Variants in RANGAP1 observed in about 807,000 individuals in gnomAD.
RANGAP1 encodes the protein Ran GTPase activating protein 1.
In RANGAP1, 38 loss-of-function variants were observed where a neutral mutation model predicts 63.5. The ratio of observed to expected loss-of-function variants is 0.60; its 90% CI spans 0.46 to 0.78. The LOEUF is 0.78. RANGAP1 is among the 30% of genes least tolerant of loss of function. The pLI is 0.00. For missense variants in RANGAP1, 630 were observed against 740.3 expected (o/e 0.85, Z 1.73); for synonymous variants, 329 against 310.5 (o/e 1.06, Z -0.63).
intron 12 of RANGAP1, among the ~76,000 whole-genome samples, chr22:41,252,634 A>G (rs746375080): frequency 2.0e-5 from 3 of 152,214 alleles, no homozygotes; most frequent in Non-Finnish European, 4.4e-5. Flanking sequence ...AACCCCAGTC[A>G]GCATGGGAAC....
At chr22:41,290,172 G>A (rs1433449519), upstream of RANGAP1, among the ~76,000 whole-genome samples, 1 of 149,596 alleles carries the variant, frequency 6.7e-6, no homozygotes, top group Non-Finnish European at 1.5e-5. Flanking sequence ...GAGAGAGAGA[G>A]AGAGAGAAAG....
chr22:41,291,916 A>AATG, the RANGAP1 span, among the ~76,000 whole-genome samples: 41 of 150,984 alleles, frequency 2.7e-4, no homozygotes, highest in Admixed American at 2.7e-3. Flanking sequence ...TAATAATAAT[A>AATG]ATAATAATTC....
At chr22:41,272,904 C>T (rs2034922266) in intron 3 of RANGAP1, among the ~76,000 whole-genome samples, 1 of 152,030 alleles carries the variant, frequency 6.6e-6, no homozygotes, top group Non-Finnish European at 1.5e-5. Flanking sequence ...CCACTGCCTC[C>T]CAGGCTCAAG....
intron 1 of RANGAP1, among the ~76,000 whole-genome samples, chr22:41,284,228 C>T (rs547136536): frequency 6.6e-6 from 1 of 151,504 alleles, no homozygotes; most frequent in Non-Finnish European, 1.5e-5. Context: ...GCCTGGGCAA[C>T]AGAGCGAGAC....
At chr22:41,275,459 T>G (rs1196277172) in intron 2 of RANGAP1, among the ~76,000 whole-genome samples, 1 of 150,216 alleles carries the variant, frequency 6.7e-6, no homozygotes, top group Non-Finnish European at 1.5e-5. Context: ...GTCACTGCAC[T>G]CCAGCCTGGG....
At chr22:41,294,267 T>C in the RANGAP1 span, among the ~76,000 whole-genome samples, 3 of 152,250 alleles carry the variant, frequency 2.0e-5, no homozygotes, top group African/African-American at 7.2e-5. Flanking sequence ...TTGGCCGGGC[T>C]GGTCTCCAGC....
At chr22:41,287,527 G>A (rs767728718), upstream of RANGAP1, among the ~76,000 whole-genome samples, 17 of 151,838 alleles carry the variant, frequency 1.1e-4, no homozygotes, top group African/African-American at 2.4e-4. Flanking sequence ...TTAGTTGGAC[G>A]TGATGGTGCA....
chr22:41,244,920 T>C lies in RANGAP1; in HGVS notation c.*1683A>G, dbSNP rs912776027. 6.6e-6 allele frequency among the ~76,000 whole-genome samples: 1 copy of C among 152,204 alleles called. No homozygotes were observed. Among genetic ancestry groups the C allele is most frequent in the Non-Finnish European group, 1.5e-5 (1 of 68,034 alleles). On this transcript the variant is annotated 3_prime_UTR_variant, in exon 16 of 16. Coordinates refer to ENST00000356244, the MANE Select transcript of RANGAP1 (RefSeq NM_002883.4). ...TGCAGCCTCACTCCCTATTCCACCCTTCCCCTAGCCCTGGCAACCTCTACC... is the reference window on the plus strand; with the variant it reads ...TGCAGCCTCACTCCCTATTCCACCCCTCCCCTAGCCCTGGCAACCTCTACC...
At chr22:41,250,390 C>T (rs1258688546) in intron 13 of RANGAP1, among the ~76,000 whole-genome samples, 3 of 152,192 alleles carry the variant, frequency 2.0e-5, no homozygotes, top group African/African-American at 7.2e-5. Context: ...TTCCAGGAAC[C>T]GTCCCCCTCG....
Position 41,249,416 on chromosome 22 carries a change from G to C in RANGAP1, c.1608C>G (p.Tyr536Ter). 6.2e-7 allele frequency: 1 copy of C among 1,614,142 alleles called. No homozygotes were observed. Among genetic ancestry groups the C allele is most frequent in the Non-Finnish European group, 8.5e-7 (1 of 1,180,018 alleles). Reference protein sequence around the residue: ...EDKVKAIANLYGPLMALNHMV... With the variant: ...EDKVKAIANL ...TGTGGTTCAGCGCCATCAGGGGGCC[G>C]TACAGGTTGGCAATGGCCTTGACCT... Residue 536 changes from tyrosine to a stop codon, truncating the protein, a stop_gained, in exon 15 of 16, where the codon TAC (tyrosine) becomes TAG (stop). Coordinates refer to ENST00000356244, the MANE Select transcript of RANGAP1 (RefSeq NM_002883.4). LOFTEE classifies it high-confidence loss of function.
chr22:41,253,946 A>T (rs964331912), intron 11 of RANGAP1, among the ~76,000 whole-genome samples: 2 of 152,004 alleles, frequency 1.3e-5, no homozygotes, highest in Non-Finnish European at 2.9e-5. Context: ...CGGCTCTACT[A>T]AAGATACAAA....
upstream of RANGAP1, among the ~76,000 whole-genome samples, chr22:41,290,158 A>AGAG (rs1397947294): frequency 2.2e-5 from 3 of 138,694 alleles, no homozygotes; most frequent in Middle Eastern, 3.6e-3. Context: ...AAAAAAAAAA[A>AGAG]AGAGAGAGAG....
the RANGAP1 span, among the ~76,000 whole-genome samples, chr22:41,293,794 T>G: frequency 2.0e-5 from 3 of 150,894 alleles, no homozygotes; most frequent in South Asian, 6.3e-4. Context: ...AAAGAAATAA[T>G]TTTTAAAATA....
chr22:41,289,434 C>T (rs1027583566), upstream of RANGAP1, among the ~76,000 whole-genome samples: 1 of 151,664 alleles, frequency 6.6e-6, no homozygotes, highest in Admixed American at 6.6e-5. Flanking sequence ...CCAGCCTGGC[C>T]AACATGGTGA....
chr22:41,296,464 T>C, the RANGAP1 span, among the ~76,000 whole-genome samples: 1 of 151,828 alleles, frequency 6.6e-6, no homozygotes, highest in African/African-American at 2.4e-5. Flanking sequence ...CTGGCCAACA[T>C]GGTGAAACCC....
intron 2 of RANGAP1, among the ~76,000 whole-genome samples, chr22:41,277,294 G>C (rs1378532268): frequency 6.6e-6 from 1 of 151,846 alleles, no homozygotes; most frequent in Non-Finnish European, 1.5e-5. Context: ...TAGCCAGGAT[G>C]GTCTCGATCT....
At chr22:41,271,637 T>C (rs1434110017) in intron 3 of RANGAP1, among the ~76,000 whole-genome samples, 3 of 146,220 alleles carry the variant, frequency 2.1e-5, no homozygotes, top group Non-Finnish European at 3.0e-5. Context: ...GAGCTTGCAG[T>C]GAGCTGAGAT....
the RANGAP1 span, among the ~76,000 whole-genome samples, chr22:41,302,098 T>C: frequency 1.4e-4 from 21 of 151,874 alleles, no homozygotes; most frequent in Non-Finnish European, 2.4e-4. The surrounding 1 kb of genome is among the most constrained non-coding windows in gnomAD (Gnocchi z 5.7). Context: ...GGAGGTGTCT[T>C]GAAATTTTCG....
chr22:41,286,341 C>G (rs1472179447), upstream of RANGAP1: 1 of 152,290 alleles, frequency 6.6e-6, no homozygotes, highest in African/African-American at 2.4e-5. Context: ...ATGGGGCGCG[C>G]ACCGCGAACT....
Sources: gnomAD v4.1 joint callset for allele counts (sites outside exome capture counted in the v4.1 genomes callset) on GRCh38, gnomAD v4.1.1 for gene constraint, Gnocchi (gnomAD v3.1) non-coding constraint, MANE v1.5 for transcripts, NCBI Gene and HGNC (gene_info 2026-07-23, HGNC 2026-07-21) for gene names.